The following LIN52 variants were observed in gnomAD, a reference collection of about 807,000 sequenced individuals.
The protein encoded by LIN52 is protein lin-52 homolog.
A neutral mutation model predicts 18.5 loss-of-function variants in LIN52; 4 were observed. That is an observed-to-expected ratio of 0.22 (90% CI 0.11 to 0.49). The LOEUF (loss-of-function observed/expected upper bound fraction) is 0.49, where lower values mean the gene tolerates loss of function less well. Among genes scored for constraint, LIN52 ranks in the 20% least tolerant of loss-of-function variants. LIN52 has a pLI of 0.97. For missense variants in LIN52, 102 were observed against 139.5 expected (o/e 0.73, Z 1.35); for synonymous variants, 34 against 45.5 (o/e 0.75, Z 1.02).
At chr14:74,135,093 T>TC (rs2061090029) in intron 5 of LIN52, among the ~76,000 whole-genome samples, 1 of 151,948 alleles carries the variant, frequency 6.6e-6, no homozygotes, top group African/African-American at 2.4e-5. Flanking sequence ...TGAGACAGAG[T>TC]CTTGCTCTGT....
At chr14:74,164,175 G>A (rs1329797675) in intron 5 of LIN52, among the ~76,000 whole-genome samples, 4 of 151,888 alleles carry the variant, frequency 2.6e-5, no homozygotes. Context: ...TAGAGATGGG[G>A]TTTCACCGTA....
intron 5 of LIN52, among the ~76,000 whole-genome samples, chr14:74,184,923 CTTTTTTA>C (rs2061334632): frequency 6.6e-6 from 1 of 151,600 alleles, no homozygotes; most frequent in African/African-American, 2.4e-5. Context: ...CATCTTTTTT[CTTTTTTA>C]TTTATTTTTT....
chr14:74,198,468 C>T (rs2078928199), intron 5 of LIN52, among the ~76,000 whole-genome samples: 1 of 152,198 alleles, frequency 6.6e-6, no homozygotes, highest in Non-Finnish European at 1.5e-5. Flanking sequence ...GGGACTAACA[C>T]TGCTGAGAGA....
At chr14:74,187,415 T>A (rs2139591823) in intron 5 of LIN52, among the ~76,000 whole-genome samples, 2 of 152,330 alleles carry the variant, frequency 1.3e-5, no homozygotes. Flanking sequence ...TTTAAAGTAC[T>A]GCTCTTGTTT....
intron 5 of LIN52, among the ~76,000 whole-genome samples, chr14:74,184,006 CTT>C (rs2061330720): frequency 6.6e-6 from 1 of 152,162 alleles, no homozygotes; most frequent in African/African-American, 2.4e-5. Flanking sequence ...TCTTAAGTCT[CTT>C]TTAATTTCTC....
At chr14:74,164,690 CTG>C (rs2061240927) in intron 5 of LIN52, among the ~76,000 whole-genome samples, 1 of 152,122 alleles carries the variant, frequency 6.6e-6, no homozygotes, top group Non-Finnish European at 1.5e-5. Flanking sequence ...AGAGACTAAT[CTG>C]GGGAATCTGA....
At chr14:74,193,477 T>G (rs2078893118) in intron 5 of LIN52, among the ~76,000 whole-genome samples, 1 of 152,120 alleles carries the variant, frequency 6.6e-6, no homozygotes, top group African/African-American at 2.4e-5. Context: ...GTTTTTCACG[T>G]GTCATTCTAA....
chr14:74,096,688 A>G (rs2060815853), intron 3 of LIN52, among the ~76,000 whole-genome samples: 1 of 152,152 alleles, frequency 6.6e-6, no homozygotes, highest in African/African-American at 2.4e-5. Context: ...CAGAATCATC[A>G]ACATGCAGCT....
At chr14:74,112,352 G>GTGTT (rs2060934847) in intron 5 of LIN52, among the ~76,000 whole-genome samples, 1 of 151,260 alleles carries the variant, frequency 6.6e-6, no homozygotes, top group Non-Finnish European at 1.5e-5. Flanking sequence ...CTGTTGCCCA[G>GTGTT]GCTGGAGTGT....
At chr14:74,129,149 T>G (rs994383937) in intron 5 of LIN52, among the ~76,000 whole-genome samples, 2 of 151,992 alleles carry the variant, frequency 1.3e-5, no homozygotes, top group Non-Finnish European at 2.9e-5. Flanking sequence ...GAGTGGAAGG[T>G]AGGAAATGGA....
chr14:74,183,021 A>C (rs758345280), intron 5 of LIN52, among the ~76,000 whole-genome samples: 1 of 151,894 alleles, frequency 6.6e-6, no homozygotes, highest in Non-Finnish European at 1.5e-5. Context: ...GGTTGTATGT[A>C]ATTTGTTCCT....
chr14:74,091,016 T>A (rs1290330377), intron 1 of LIN52, among the ~76,000 whole-genome samples: 2 of 152,206 alleles, frequency 1.3e-5, no homozygotes, highest in African/African-American at 4.8e-5. Flanking sequence ...ACACTCCCAA[T>A]AAAATATCAT....
At chr14:74,186,948 A>G (rs2058390) in intron 5 of LIN52, among the ~76,000 whole-genome samples, 118,003 of 152,124 alleles carry the variant, frequency 0.78, 46,095 homozygotes, top group Admixed American at 0.81. Flanking sequence ...GCGTTATGGC[A>G]CATGCCTTTA....
At chr14:74,114,400 T>C (rs2060950955) in intron 5 of LIN52, 10 of 985,142 alleles carry the variant, frequency 1.0e-5, no homozygotes, top group Non-Finnish European at 1.2e-5. Flanking sequence ...GGGTGAAGGA[T>C]TGAGAGCTTG....
At chr14:74,134,838 TTCTTAATATAACTGTC>T (rs1197107934) in intron 5 of LIN52, among the ~76,000 whole-genome samples, 1 of 152,222 alleles carries the variant, frequency 6.6e-6, no homozygotes, top group Non-Finnish European at 1.5e-5. Flanking sequence ...CAAGGAGCAA[TTCTTAATATAACTGTC>T]TTTAAAAGGC....
At chr14:74,166,001 C>T (rs765886454) in intron 5 of LIN52, among the ~76,000 whole-genome samples, 4 of 151,838 alleles carry the variant, frequency 2.6e-5, no homozygotes, top group Non-Finnish European at 5.9e-5. Context: ...AAGCAATTCT[C>T]CTGCCTCAGC....
chr14:74,095,244 C>T (rs944058897), intron 2 of LIN52, among the ~76,000 whole-genome samples: 3 of 150,166 alleles, frequency 2.0e-5, no homozygotes, highest in Admixed American at 6.7e-5. Context: ...CTCAACTTCC[C>T]GGGCTCAAGC....
At chr14:74,183,207 C>T (rs1472483776) in intron 5 of LIN52, among the ~76,000 whole-genome samples, 2 of 151,974 alleles carry the variant, frequency 1.3e-5, no homozygotes, top group African/African-American at 4.8e-5. Context: ...ACGCTATTCT[C>T]CTGCCTCAGC....
chr14:74,093,344 G>A (rs1382349351), intron 2 of LIN52, among the ~76,000 whole-genome samples: 1 of 114,938 alleles, frequency 8.7e-6, no homozygotes, highest in Non-Finnish European at 1.8e-5. Flanking sequence ...TTTTTTTTGA[G>A]ATGGAGTTTC....
Sources: allele counts gnomAD v4.1 joint callset (sites outside exome capture counted in the v4.1 genomes callset), GRCh38; gene constraint gnomAD v4.1.1; transcripts MANE v1.5; gene names NCBI Gene and HGNC (gene_info 2026-07-23, HGNC 2026-07-21).